GRM8: variants seen among roughly 807,000 people sequenced by gnomAD.
GRM8 encodes glutamate metabotropic receptor 8.
In GRM8, 47 loss-of-function variants were observed where a neutral mutation model predicts 87.2. The ratio of observed to expected loss-of-function variants is 0.54; its 90% CI spans 0.43 to 0.69. The LOEUF is 0.69. Ranked by LOEUF, GRM8 falls within the 30% of genes least tolerant of loss-of-function variation. The probability of loss-of-function intolerance (pLI) is 0.00; values close to 1 mark genes in which losing one functional copy is unlikely to be tolerated. For synonymous variants in GRM8, 396 were observed against 404.5 expected (o/e 0.98, Z 0.25); for missense variants, 1,019 against 1,139.2 (o/e 0.89, Z 1.52).
At chr7:127,088,341 T>C (rs1823715029) in intron 3 of GRM8, among the ~76,000 whole-genome samples, 1 of 152,194 alleles carries the variant, frequency 6.6e-6, no homozygotes, top group South Asian at 2.1e-4. Context: ...ATTCCTTTGG[T>C]TGCCAACACA....
rs77230241 is a variant in GRM8 at position 126,756,538 on chromosome 7, T to C, written c.1357+13327A>G. ...AGACACAACTGATAAAGGACAACTATATCAAAATATACAAAGAGCCCTTAA... is the reference window on the plus strand; with the variant it reads ...AGACACAACTGATAAAGGACAACTACATCAAAATATACAAAGAGCCCTTAA... On this transcript the variant is annotated intron_variant, in intron 7 of 10. Coordinates refer to ENST00000339582, the MANE Select transcript of GRM8 (RefSeq NM_000845.3). Among the ~76,000 whole-genome samples, 77 of 152,046 alleles carry C rather than the reference T, an allele frequency of 5.1e-4. 1 individual carries two copies. The East Asian group carries it at 0.014, about 27-fold the overall frequency.
intron 8 of GRM8, among the ~76,000 whole-genome samples, chr7:126,604,974 T>C (rs1265708785): frequency 6.6e-6 from 1 of 152,200 alleles, no homozygotes; most frequent in African/African-American, 2.4e-5. Flanking sequence ...TATATTCAAC[T>C]TATTTCCTTG....
intron 6 of GRM8, among the ~76,000 whole-genome samples, chr7:126,861,465 C>T (rs1282366355): frequency 6.6e-6 from 1 of 151,986 alleles, no homozygotes; most frequent in African/African-American, 2.4e-5. Flanking sequence ...CTAGATATTG[C>T]TAAACTGCCC....
At chr7:126,843,610 C>A (rs1379963188) in intron 6 of GRM8, among the ~76,000 whole-genome samples, 1 of 152,144 alleles carries the variant, frequency 6.6e-6, no homozygotes, top group African/African-American at 2.4e-5. Flanking sequence ...TATTGTCTTG[C>A]ACGAAGAAGT....
intron 8 of GRM8, among the ~76,000 whole-genome samples, chr7:126,541,567 G>A (rs145981843): frequency 1.3e-5 from 2 of 152,294 alleles, no homozygotes; most frequent in East Asian, 1.9e-4. Flanking sequence ...GGACTGTAGC[G>A]TAGAAAGAAG....
At chr7:126,902,342 T>C (rs1480840921) in intron 6 of GRM8, among the ~76,000 whole-genome samples, 200 bp downstream of exon 6, 1 of 152,214 alleles carries the variant, frequency 6.6e-6, no homozygotes, top group Non-Finnish European at 1.5e-5. Flanking sequence ...AAAAACTTGC[T>C]GATCCATTGA....
intron 6 of GRM8, among the ~76,000 whole-genome samples, chr7:126,811,132 T>C (rs1336572345): frequency 6.6e-6 from 1 of 152,172 alleles, no homozygotes; most frequent in Non-Finnish European, 1.5e-5. Flanking sequence ...AGCGTGTTCA[T>C]TCCCAATGTA....
intron 2 of GRM8, among the ~76,000 whole-genome samples, chr7:127,212,026 T>C (rs1402434525): frequency 6.6e-6 from 1 of 152,220 alleles, no homozygotes; most frequent in Non-Finnish European, 1.5e-5. Flanking sequence ...ATAAGAATTG[T>C]TCCATTATAA....
intron 2 of GRM8, among the ~76,000 whole-genome samples, chr7:127,210,996 C>G (rs928752128): frequency 6.6e-6 from 1 of 152,168 alleles, no homozygotes; most frequent in Non-Finnish European, 1.5e-5. Context: ...CCTTCTAGAA[C>G]ACTTGTCATG....
chr7:126,501,710 A>G (rs1293813079), intron 9 of GRM8, among the ~76,000 whole-genome samples: 1 of 151,972 alleles, frequency 6.6e-6, no homozygotes, highest in East Asian at 1.9e-4. Context: ...AGAGATCCAA[A>G]TCTCAAGTCA....
At chr7:126,871,561 C>T (rs1437175813) in intron 6 of GRM8, among the ~76,000 whole-genome samples, 2 of 152,140 alleles carry the variant, frequency 1.3e-5, no homozygotes, top group African/African-American at 4.8e-5. Context: ...GAGGAAAAGG[C>T]TCCATGCCAG....
At chr7:126,584,952 C>T (rs1222266278) in intron 8 of GRM8, among the ~76,000 whole-genome samples, 1 of 152,012 alleles carries the variant, frequency 6.6e-6, no homozygotes, top group Admixed American at 6.6e-5. Context: ...TATTCATAAG[C>T]TAAAAGCACT....
At chr7:127,053,966 C>T (rs1819737461) in intron 3 of GRM8, among the ~76,000 whole-genome samples, 1 of 151,948 alleles carries the variant, frequency 6.6e-6, no homozygotes, top group Admixed American at 6.6e-5. Context: ...TCTTTTAATC[C>T]TTACAGTAAC....
intron 6 of GRM8, among the ~76,000 whole-genome samples, chr7:126,796,377 T>C (rs1256507018): frequency 6.6e-6 from 1 of 152,118 alleles, no homozygotes; most frequent in Admixed American, 6.6e-5. Flanking sequence ...TCTATTAGCA[T>C]ATAGCTCTAG....
At chr7:126,814,913 T>C (rs911265487) in intron 6 of GRM8, among the ~76,000 whole-genome samples, 3 of 152,112 alleles carry the variant, frequency 2.0e-5, no homozygotes, top group African/African-American at 4.8e-5. Context: ...TTTCCACTTG[T>C]ACCTACATGG....
intron 7 of GRM8, among the ~76,000 whole-genome samples, chr7:126,679,285 T>C (rs1301382026): frequency 6.6e-6 from 1 of 152,214 alleles, no homozygotes; most frequent in Non-Finnish European, 1.5e-5. Context: ...AGGAAATCTT[T>C]CCCACATGTG....
intron 3 of GRM8, among the ~76,000 whole-genome samples, chr7:126,918,162 CT>C (rs1365083977): frequency 6.6e-6 from 1 of 152,188 alleles, no homozygotes; most frequent in Non-Finnish European, 1.5e-5. Context: ...GTAAGATTTA[CT>C]GGTTCTTGCC....
rs1461573244 is a variant in GRM8 at position 126,529,176 on chromosome 7, A to G, written c.2430+3776T>C. Among the ~76,000 whole-genome samples the G allele has an allele frequency of 2.0e-5, 3 of 151,922 alleles. No individual in the cohort carries two copies. In the East Asian group the frequency reaches 5.8e-4, roughly 29 times the overall value. On this transcript the variant is annotated intron_variant, in intron 9 of 10. Transcript: ENST00000339582. ...ATGACCCATCATTAAATGGGAAACC[A>G]TTTTTTTCAGAAAAAAAAAATTGTT...
At chr7:127,099,095 A>C (rs1824971194) in intron 3 of GRM8, among the ~76,000 whole-genome samples, 1 of 152,234 alleles carries the variant, frequency 6.6e-6, no homozygotes, top group Non-Finnish European at 1.5e-5. Flanking sequence ...AACCTGTCTA[A>C]AGACTAAAGG....
Sources: allele counts gnomAD v4.1 joint callset (sites outside exome capture counted in the v4.1 genomes callset), GRCh38; gene constraint gnomAD v4.1.1; transcripts MANE v1.5; gene names NCBI Gene and HGNC (gene_info 2026-07-23, HGNC 2026-07-21).